The following BPGM variants were observed in gnomAD, a reference collection of about 807,000 sequenced individuals.
The protein encoded by BPGM is 2,3-bisphosphoglycerate mutase, erythrocyte.
Under a neutral mutation model 21.6 loss-of-function variants are expected in BPGM, and 15 were observed. The ratio of observed to expected loss-of-function variants is 0.70; its 90% CI spans 0.47 to 1.07. The LOEUF (loss-of-function observed/expected upper bound fraction) is 1.07, where lower values mean the gene tolerates loss of function less well. BPGM is among the 50% of genes least tolerant of loss of function. The pLI is 0.00. For synonymous variants in BPGM, 113 were observed against 116.2 expected (o/e 0.97, Z 0.18); for missense variants, 273 against 319.0 (o/e 0.86, Z 1.10).
intron 2 of BPGM, among the ~76,000 whole-genome samples, chr7:134,673,490 C>G (rs557756733): frequency 3.9e-5 from 6 of 152,176 alleles, no homozygotes; most frequent in African/African-American, 1.2e-4. Flanking sequence ...CTGTTGGATC[C>G]GGTTAGATCT....
intron 2 of BPGM, among the ~76,000 whole-genome samples, chr7:134,666,069 G>A (rs1795816592): frequency 6.6e-6 from 1 of 151,782 alleles, no homozygotes; most frequent in Non-Finnish European, 1.5e-5. Flanking sequence ...TAGTAGAGAT[G>A]GGGTTTTGCC....
At chr7:134,659,372 C>CGTGT (rs66893203) in intron 1 of BPGM, among the ~76,000 whole-genome samples, 2,197 of 145,350 alleles carry the variant, frequency 0.015, 45 homozygotes, top group African/African-American at 0.041. Context: ...CACACCCCTC[C>CGTGT]GTGTGTGTGT....
chr7:134,678,724 T>C (rs1464007793), intron 2 of BPGM, 129 bp from the exon 3 acceptor site: 10 of 952,294 alleles, frequency 1.1e-5, no homozygotes, highest in Admixed American at 9.3e-5. Flanking sequence ...GAATTATAGC[T>C]GGAATCCCTC....
intron 1 of BPGM, among the ~76,000 whole-genome samples, chr7:134,656,573 A>C (rs1216409698): frequency 6.6e-6 from 1 of 152,202 alleles, no homozygotes; most frequent in Non-Finnish European, 1.5e-5. Flanking sequence ...CCTTCTTCAC[A>C]TGGTGGCAGC....
At position 134,646,934 on chromosome 7, in the gene BPGM, G is replaced by T; in HGVS notation, c.-65G>T. The T allele has an allele frequency of 5.4e-6, 1 of 183,752 alleles. No individual in the cohort carries two copies. The highest frequency in any genetic ancestry group is 8.0e-5 in the South Asian group (1 of 12,440). The allele number at this position is 183,752 out of a possible 1,614,324, so 11.4% of individuals were successfully genotyped here. On this transcript the variant is annotated 5_prime_UTR_variant, in exon 1 of 3. Transcript: ENST00000344924. ...TGCTGCTGCTGCTGGTGGCCCCTTT[G>T]CAGGTGAGTGGCTTTGTTTTAGAAA...
intron 2 of BPGM, among the ~76,000 whole-genome samples, chr7:134,667,973 T>C (rs762126658): frequency 1.3e-5 from 2 of 152,214 alleles, no homozygotes; most frequent in East Asian, 3.8e-4. Context: ...TATTGGTCTA[T>C]GCTGAAATCT....
intron 1 of BPGM, among the ~76,000 whole-genome samples, chr7:134,659,434 G>A (rs1345938841): frequency 1.3e-5 from 2 of 151,816 alleles, no homozygotes; most frequent in Non-Finnish European, 2.9e-5. Context: ...TTTCTCACAG[G>A]TGAGGGGCTC....
intron 2 of BPGM, among the ~76,000 whole-genome samples, chr7:134,664,540 A>C (rs535268200): frequency 1.0e-5 from 1 of 98,268 alleles, no homozygotes; most frequent in Admixed American, 9.8e-5. Context: ...AAATAGGGTC[A>C]CATTATGAGG....
intron 2 of BPGM, among the ~76,000 whole-genome samples, chr7:134,669,385 T>A (rs993666241): frequency 6.6e-6 from 1 of 151,938 alleles, no homozygotes; most frequent in Non-Finnish European, 1.5e-5. Context: ...CTAATAAAGG[T>A]TTTTTTTATT....
Position 134,679,603 on chromosome 7 carries a change from C to T in BPGM, c.*572C>T, listed in dbSNP as rs753519968. The T allele has an allele frequency of 6.5e-6, 1 of 152,954 alleles. No individual in the cohort carries two copies. The highest frequency in any genetic ancestry group is 1.5e-5 in the Non-Finnish European group (1 of 68,550). The allele number at this position is 152,954 out of a possible 1,614,324, so 9.5% of individuals were successfully genotyped here. On this transcript the variant is annotated 3_prime_UTR_variant, in exon 3 of 3. Coordinates refer to ENST00000344924, the MANE Select transcript of BPGM (RefSeq NM_001724.5). ...ACCACCACAATGACAGAAATGACAA[C>T]AAGGCCCTTTAACTTGTCTTCTAGT...
chr7:134,647,715 A>G (rs1009533481), intron 1 of BPGM, among the ~76,000 whole-genome samples: 1 of 152,190 alleles, frequency 6.6e-6, no homozygotes, highest in Non-Finnish European at 1.5e-5. Flanking sequence ...CAAGAAGGGG[A>G]AAAATCAAAA....
intron 2 of BPGM, among the ~76,000 whole-genome samples, chr7:134,671,479 A>G (rs1204367781): frequency 1.3e-5 from 2 of 150,030 alleles, no homozygotes; most frequent in Admixed American, 6.7e-5. Context: ...CTCCCACCTC[A>G]GCCTCCCAAG....
intron 2 of BPGM, among the ~76,000 whole-genome samples, chr7:134,662,347 T>G (rs1210343185): frequency 6.6e-6 from 1 of 152,220 alleles, no homozygotes; most frequent in East Asian, 1.9e-4. Context: ...GAGAGGTTGG[T>G]GTATCACAGA....
intron 2 of BPGM, among the ~76,000 whole-genome samples, chr7:134,663,707 C>T (rs1464131621): frequency 6.6e-6 from 1 of 152,142 alleles, no homozygotes; most frequent in Non-Finnish European, 1.5e-5. Context: ...ACCACTATCT[C>T]CTTTAGGATC....
intron 1 of BPGM, among the ~76,000 whole-genome samples, chr7:134,654,341 C>T (rs926844693): frequency 1.6e-4 from 24 of 152,122 alleles, no homozygotes; most frequent in Admixed American, 1.6e-3. Flanking sequence ...AAAGGGTTTC[C>T]AAGAACTGAA....
intron 2 of BPGM, among the ~76,000 whole-genome samples, chr7:134,663,093 A>C (rs1426074755): frequency 6.6e-6 from 1 of 152,234 alleles, no homozygotes; most frequent in African/African-American, 2.4e-5. Context: ...AATAAATAGA[A>C]GAAATTTCTC....
chr7:134,673,679 G>A (rs988031372), intron 2 of BPGM, among the ~76,000 whole-genome samples: 2 of 152,174 alleles, frequency 1.3e-5, no homozygotes, highest in African/African-American at 4.8e-5. Flanking sequence ...AACACTGGAT[G>A]GCATCAGCAG....
In BPGM at chr7:134,652,460, A is replaced by G. The variant is rs965630636; in HGVS notation, c.-62+5523A>G. On this transcript the variant is annotated intron_variant, in intron 1 of 2. Coordinates refer to ENST00000344924, the MANE Select transcript of BPGM (RefSeq NM_001724.5). The stretch of plus-strand genomic sequence containing the variant: ...GATTTACCTCATGCATTTGTCTATT[A>G]CCTCATGCATTTATTTTTTGTGTGT... Among the ~76,000 whole-genome samples the G allele has an allele frequency of 2.0e-5, 3 of 152,290 alleles. No homozygotes were observed. In the South Asian group the frequency reaches 6.2e-4, roughly 32 times the overall value.
intron 1 of BPGM, among the ~76,000 whole-genome samples, chr7:134,659,131 G>T (rs918448752): frequency 7.2e-5 from 11 of 152,040 alleles, no homozygotes; most frequent in African/African-American, 2.7e-4. Flanking sequence ...ATTAGCTTAT[G>T]GAGGTTTCTC....
Sources: allele counts gnomAD v4.1 joint callset (sites outside exome capture counted in the v4.1 genomes callset), GRCh38; gene constraint gnomAD v4.1.1; transcripts MANE v1.5; gene names NCBI Gene and HGNC (gene_info 2026-07-23, HGNC 2026-07-21).